The following FAM135B variants were observed in gnomAD, a reference collection of about 807,000 sequenced individuals.
The protein encoded by FAM135B is family with sequence similarity 135 member B.
Under a neutral mutation model 127.7 loss-of-function variants are expected in FAM135B, and 43 were observed. The ratio of observed to expected loss-of-function variants is 0.34; its 90% CI spans 0.26 to 0.43. The LOEUF is 0.43. FAM135B is among the 20% of genes least tolerant of loss of function. The pLI, the probability that FAM135B is intolerant of heterozygous loss-of-function variation, is 1.00. For synonymous variants in FAM135B, 670 were observed against 665.1 expected, an observed-to-expected ratio of 1.01 and a Z score of -0.11; for missense variants, 1,558 against 1,725.6, an observed-to-expected ratio of 0.90 and a Z score of 1.72.
At chr8:138,398,842 T>C (rs944347383) in intron 1 of FAM135B, among the ~76,000 whole-genome samples, 1 of 152,182 alleles carries the variant, frequency 6.6e-6, no homozygotes, top group African/African-American at 2.4e-5. Flanking sequence ...GTCCTCAACC[T>C]TACCTGCCCC....
intron 7 of FAM135B, among the ~76,000 whole-genome samples, chr8:138,202,026 G>A (rs1817165815): frequency 6.7e-6 from 1 of 149,898 alleles, no homozygotes; most frequent in Non-Finnish European, 1.5e-5. Context: ...TCAGGAGGCT[G>A]AGGCAGGAGA....
At chr8:138,472,795 C>G (rs1837754488) in intron 1 of FAM135B, among the ~76,000 whole-genome samples, 1 of 152,162 alleles carries the variant, frequency 6.6e-6, no homozygotes, top group Admixed American at 6.5e-5. Flanking sequence ...TTTAGAAGGA[C>G]TCAAGACTGA....
chr8:138,435,802 A>G (rs1453187155), intron 1 of FAM135B, among the ~76,000 whole-genome samples: 1 of 152,156 alleles, frequency 6.6e-6, no homozygotes, highest in African/African-American at 2.4e-5. Flanking sequence ...ATTTTATCCT[A>G]TCACCCCTTT....
intron 3 of FAM135B, among the ~76,000 whole-genome samples, chr8:138,286,144 C>T (rs1459048067): frequency 6.6e-6 from 1 of 152,144 alleles, no homozygotes; most frequent in African/African-American, 2.4e-5. Context: ...AAATATAGAA[C>T]ACTTAAGTTG....
intron 5 of FAM135B, among the ~76,000 whole-genome samples, chr8:138,253,819 G>T (rs4909766): frequency 1.3e-5 from 2 of 152,032 alleles, no homozygotes; most frequent in South Asian, 4.2e-4. Context: ...AAAGAGGCCA[G>T]ATGATTTGGT....
intron 12 of FAM135B, among the ~76,000 whole-genome samples, chr8:138,163,160 A>T (rs1338431767): frequency 1.3e-5 from 2 of 152,164 alleles, no homozygotes; most frequent in African/African-American, 4.8e-5. Context: ...TTATGGACTG[A>T]TCAATCCACT....
At chr8:138,250,181 C>T (rs549317356) in intron 6 of FAM135B, among the ~76,000 whole-genome samples, 2 of 151,980 alleles carry the variant, frequency 1.3e-5, no homozygotes, top group South Asian at 2.1e-4. Flanking sequence ...GGTGAAACCC[C>T]GTCTCTACTA....
intron 3 of FAM135B, among the ~76,000 whole-genome samples, chr8:138,289,987 T>G (rs1434221462): frequency 6.6e-6 from 1 of 152,132 alleles, no homozygotes; most frequent in South Asian, 2.1e-4. Context: ...AGTTGTCAAA[T>G]CATGCCAGGC....
intron 1 of FAM135B, among the ~76,000 whole-genome samples, chr8:138,422,608 A>G (rs1414148234): frequency 6.6e-6 from 1 of 152,166 alleles, no homozygotes; most frequent in Admixed American, 6.6e-5. Context: ...AAAAGTCAAA[A>G]AATAACAGAA....
At chr8:138,335,482 A>C (rs1036773093) in intron 2 of FAM135B, among the ~76,000 whole-genome samples, 1 of 152,202 alleles carries the variant, frequency 6.6e-6, no homozygotes, top group Non-Finnish European at 1.5e-5. Flanking sequence ...ACAGACTTTA[A>C]ACCAACAAAG....
chr8:138,341,804 A>G (rs936394406), intron 2 of FAM135B, among the ~76,000 whole-genome samples: 2 of 152,106 alleles, frequency 1.3e-5, no homozygotes, highest in Non-Finnish European at 1.5e-5. Context: ...GTCTTAATCC[A>G]GCACACAAGG....
chr8:138,153,826 G>GGCCT (rs1325557357), intron 12 of FAM135B, among the ~76,000 whole-genome samples: 1 of 152,194 alleles, frequency 6.6e-6, no homozygotes, highest in Non-Finnish European at 1.5e-5. Context: ...AGCTAAAGGA[G>GGCCT]GCCTGCCTGC....
chr8:138,320,838 A>G (rs1261568272), intron 2 of FAM135B, among the ~76,000 whole-genome samples: 2 of 152,214 alleles, frequency 1.3e-5, no homozygotes, highest in Non-Finnish European at 2.9e-5. Flanking sequence ...TCTACAATTC[A>G]ATCCTACTAT....
intron 3 of FAM135B, among the ~76,000 whole-genome samples, chr8:138,303,565 A>G (rs1441744456): frequency 2.0e-5 from 3 of 152,232 alleles, no homozygotes; most frequent in Non-Finnish European, 4.4e-5. Flanking sequence ...ACAAACCTGC[A>G]CGTTCTGCAC....
chr8:138,337,341 T>C (rs959962507), intron 2 of FAM135B, among the ~76,000 whole-genome samples: 16 of 152,046 alleles, frequency 1.1e-4, no homozygotes, highest in African/African-American at 3.1e-4. Flanking sequence ...GATGACATCA[T>C]TGTATATCTA....
intron 2 of FAM135B, among the ~76,000 whole-genome samples, chr8:138,363,973 C>G (rs974420509): frequency 6.6e-6 from 1 of 152,130 alleles, no homozygotes; most frequent in Admixed American, 6.6e-5. Flanking sequence ...TCCCAAAGAC[C>G]TTGTAGAGCA....
intron 1 of FAM135B, among the ~76,000 whole-genome samples, chr8:138,446,155 G>A (rs927564643): frequency 1.3e-5 from 2 of 152,060 alleles, no homozygotes; most frequent in Non-Finnish European, 1.5e-5. Context: ...AAATAAAAGA[G>A]GATACAAACA....
intron 2 of FAM135B, among the ~76,000 whole-genome samples, chr8:138,332,919 G>A (rs1023168254): frequency 6.6e-6 from 1 of 151,694 alleles, no homozygotes; most frequent in African/African-American, 2.4e-5. Flanking sequence ...AGAGAGTGCT[G>A]ACCAGGGTGC....
chr8:138,379,238 A>G (rs1028249767), intron 1 of FAM135B, among the ~76,000 whole-genome samples: 2 of 152,130 alleles, frequency 1.3e-5, no homozygotes, highest in African/African-American at 4.8e-5. Flanking sequence ...AGGGCTGCCA[A>G]ATCTGGTTCA....
Sources: allele counts gnomAD v4.1 joint callset (sites outside exome capture counted in the v4.1 genomes callset), GRCh38; gene constraint gnomAD v4.1.1; transcripts MANE v1.5; gene names NCBI Gene and HGNC (gene_info 2026-07-23, HGNC 2026-07-21).